The following C7orf78 variants were observed in gnomAD, a reference collection of about 807,000 sequenced individuals.
The protein encoded by C7orf78 is putative uncharacterized protein C7orf78.
the C7orf78 span, among the ~76,000 whole-genome samples, chr7:12,501,559 C>A: frequency 7.0e-6 from 1 of 142,084 alleles, no homozygotes; most frequent in Non-Finnish European, 1.5e-5. Flanking sequence ...GAACTACAAA[C>A]CACTGCTCAA....
chr7:12,534,535 A>G, the C7orf78 span, among the ~76,000 whole-genome samples: 1 of 152,192 alleles, frequency 6.6e-6, no homozygotes, highest in Admixed American at 6.5e-5. Flanking sequence ...TCATTAGGAG[A>G]GTGAAAAGGC....
chr7:12,535,646 G>A, the C7orf78 span, among the ~76,000 whole-genome samples: 1 of 152,106 alleles, frequency 6.6e-6, no homozygotes, highest in African/African-American at 2.4e-5. Flanking sequence ...AAAGTCCACG[G>A]TCCAACATCT....
At chr7:12,515,959 A>G in the C7orf78 span, among the ~76,000 whole-genome samples, 16 of 152,316 alleles carry the variant, frequency 1.1e-4, no homozygotes, top group African/African-American at 3.8e-4. Flanking sequence ...CAGCCTGACA[A>G]TGTGATAGAA....
chr7:12,516,831 T>C, the C7orf78 span, among the ~76,000 whole-genome samples: 7 of 152,208 alleles, frequency 4.6e-5, no homozygotes. Flanking sequence ...CATTTGGAAC[T>C]GCTGTATTTA....
chr7:12,522,720 A>G, the C7orf78 span, among the ~76,000 whole-genome samples: 2 of 152,160 alleles, frequency 1.3e-5, no homozygotes, highest in Non-Finnish European at 2.9e-5. Context: ...TAGGTTACTT[A>G]AGGACATGGA....
the C7orf78 span, among the ~76,000 whole-genome samples, chr7:12,495,296 T>C: frequency 6.6e-6 from 1 of 152,208 alleles, no homozygotes; most frequent in African/African-American, 2.4e-5. Flanking sequence ...AGTGGCTGTT[T>C]TGCACAGCTC....
chr7:12,533,665 C>T, the C7orf78 span, among the ~76,000 whole-genome samples: 18 of 151,990 alleles, frequency 1.2e-4, no homozygotes, highest in South Asian at 2.1e-4. Flanking sequence ...TACAGGTGCC[C>T]GCCACCACGC....
At chr7:12,506,172 G>C in the C7orf78 span, 1 of 152,160 alleles carries the variant, frequency 6.6e-6, no homozygotes, top group Non-Finnish European at 1.5e-5. Flanking sequence ...GGAAAAATAG[G>C]AATGCTTTTA....
At chr7:12,500,439 ATAC>A in the C7orf78 span, among the ~76,000 whole-genome samples, 1 of 150,574 alleles carries the variant, frequency 6.6e-6, no homozygotes, top group Non-Finnish European at 1.5e-5. Flanking sequence ...CCATCAGAGA[ATAC>A]TACAAACACC....
At chr7:12,497,792 A>C in the C7orf78 span, among the ~76,000 whole-genome samples, 1 of 151,220 alleles carries the variant, frequency 6.6e-6, no homozygotes, top group Admixed American at 6.6e-5. Context: ...GGCACAGACA[A>C]ACAAAAAGAC....
At chr7:12,489,915 G>C in the C7orf78 span, among the ~76,000 whole-genome samples, 1 of 152,132 alleles carries the variant, frequency 6.6e-6, no homozygotes, top group Non-Finnish European at 1.5e-5. Flanking sequence ...ACATTTCATG[G>C]AAGACCCTGA....
chr7:12,497,695 A>C, the C7orf78 span, among the ~76,000 whole-genome samples: 4 of 152,104 alleles, frequency 2.6e-5, no homozygotes, highest in African/African-American at 7.3e-5. Flanking sequence ...TTAGGTAAAC[A>C]AAGCAGCTGG....
the C7orf78 span, among the ~76,000 whole-genome samples, chr7:12,535,265 C>T: frequency 3.3e-5 from 5 of 152,280 alleles, no homozygotes; most frequent in Middle Eastern, 3.4e-3. Context: ...ACTTACAGTT[C>T]CACATGGTTG....
the C7orf78 span, among the ~76,000 whole-genome samples, chr7:12,512,507 T>C: frequency 6.6e-6 from 1 of 152,206 alleles, no homozygotes; most frequent in South Asian, 2.1e-4. Context: ...CTTCCACATG[T>C]TGAACCATCT....
At chr7:12,526,957 T>TGTGTGTC in the C7orf78 span, among the ~76,000 whole-genome samples, 2 of 151,876 alleles carry the variant, frequency 1.3e-5, no homozygotes, top group African/African-American at 2.4e-5. Flanking sequence ...TAGTATATGC[T>TGTGTGTC]ATGTGTCACT....
the C7orf78 span, among the ~76,000 whole-genome samples, chr7:12,498,785 G>C: frequency 6.7e-6 from 1 of 149,450 alleles, no homozygotes; most frequent in East Asian, 2.0e-4. Context: ...ATAATTGTCA[G>C]ATTCACCAAA....
the C7orf78 span, among the ~76,000 whole-genome samples, chr7:12,513,054 T>TTTTTC: frequency 2.0e-5 from 3 of 151,220 alleles, no homozygotes; most frequent in African/African-American, 7.3e-5. Context: ...CTTAGAGTCT[T>TTTTTC]TTTTATTCTT....
chr7:12,505,897 A>G, the C7orf78 span: 2 of 152,230 alleles, frequency 1.3e-5, no homozygotes, highest in African/African-American at 4.8e-5. Context: ...TTTTACATAC[A>G]TATTATTCAA....
At chr7:12,523,896 A>G in the C7orf78 span, among the ~76,000 whole-genome samples, 1 of 152,194 alleles carries the variant, frequency 6.6e-6, no homozygotes, top group African/African-American at 2.4e-5. Context: ...AATTAGATTT[A>G]TAATTTAAAA....
Sources: allele counts gnomAD v4.1 joint callset (sites outside exome capture counted in the v4.1 genomes callset), GRCh38; gene constraint gnomAD v4.1.1; transcripts MANE v1.5; gene names NCBI Gene and HGNC (gene_info 2026-07-23, HGNC 2026-07-21).